Variants in SV2C observed in about 807,000 individuals in gnomAD.
SV2C encodes solute carrier family 22 member B3.
SV2C carries 49 observed loss-of-function variants against 79.7 expected under a neutral mutation model. The observed-to-expected ratio is 0.61, with a 90% CI of 0.49 to 0.78. SV2C has a LOEUF of 0.78. Among genes scored for constraint, SV2C ranks in the 30% least tolerant of loss-of-function variants. SV2C has a pLI of 0.00. For missense variants in SV2C, 833 were observed against 912.9 expected, an observed-to-expected ratio of 0.91 and a Z score of 1.13; for synonymous variants, 334 against 333.2, an observed-to-expected ratio of 1.00 and a Z score of -0.03.
the SV2C span, among the ~76,000 whole-genome samples, chr5:75,950,646 G>T: frequency 1.3e-5 from 2 of 151,764 alleles, no homozygotes; most frequent in African/African-American, 4.8e-5. Context: ...TGTCCTTTTG[G>T]GTGGATTTTA....
the SV2C span, among the ~76,000 whole-genome samples, chr5:75,908,142 A>G: frequency 0.015 from 2,301 of 152,334 alleles, 61 homozygotes; most frequent in African/African-American, 0.052. Flanking sequence ...GTCACAATCA[A>G]TTTTTAGATA....
intron 1 of SV2C, among the ~76,000 whole-genome samples, chr5:76,097,893 A>AGC (rs1747617038): frequency 1.3e-5 from 2 of 152,130 alleles, no homozygotes; most frequent in Non-Finnish European, 2.9e-5. Context: ...GTAGTGTGTG[A>AGC]GCTGGGCCTA....
chr5:76,218,927 T>A (rs1308494920), intron 4 of SV2C, among the ~76,000 whole-genome samples: 1 of 15,240 alleles, frequency 6.6e-5, no homozygotes, highest in Non-Finnish European at 1.4e-4. Context: ...TTTAAAAGAT[T>A]GTATTTACCT....
At chr5:76,035,136 T>C in the SV2C span, among the ~76,000 whole-genome samples, 7,761 of 152,006 alleles carry the variant, frequency 0.051, 611 homozygotes, top group African/African-American at 0.17. Context: ...ATTCTTCTCT[T>C]TTTTTTTCTT....
the SV2C span, among the ~76,000 whole-genome samples, chr5:75,970,960 A>G: frequency 1.6e-4 from 25 of 152,260 alleles, no homozygotes; most frequent in Admixed American, 4.6e-4. Flanking sequence ...GCAGCACATC[A>G]AAAAGCTTAT....
chr5:76,027,059 CTTTTTTTT>C, the SV2C span, among the ~76,000 whole-genome samples: 1 of 122,190 alleles, frequency 8.2e-6, no homozygotes, highest in Non-Finnish European at 1.7e-5. Context: ...TTTCAGTTGT[CTTTTTTTT>C]TTTTTTTTTT....
At chr5:76,202,651 T>C (rs1466251101) in intron 3 of SV2C, among the ~76,000 whole-genome samples, 1 of 152,224 alleles carries the variant, frequency 6.6e-6, no homozygotes, top group African/African-American at 2.4e-5. Context: ...ACAGTCAAGA[T>C]TATCTTTAAT....
intron 4 of SV2C, among the ~76,000 whole-genome samples, chr5:76,279,686 T>C (rs1399655510): frequency 2.0e-5 from 3 of 152,176 alleles, no homozygotes; most frequent in Admixed American, 1.3e-4. Flanking sequence ...AGACTGGCTA[T>C]AGACCATCCT....
At chr5:75,938,388 G>A in the SV2C span, among the ~76,000 whole-genome samples, 1 of 152,130 alleles carries the variant, frequency 6.6e-6, no homozygotes. Flanking sequence ...CTGATAAAGT[G>A]GAAACAATGC....
At chr5:76,292,241 C>T (rs1212825763) in intron 8 of SV2C, among the ~76,000 whole-genome samples, 1 of 152,162 alleles carries the variant, frequency 6.6e-6, no homozygotes, top group African/African-American at 2.4e-5. Flanking sequence ...CCCCTCCAGA[C>T]ATCTGCCCAG....
At chr5:76,143,433 C>T (rs1749323979) in intron 2 of SV2C, among the ~76,000 whole-genome samples, 1 of 152,168 alleles carries the variant, frequency 6.6e-6, no homozygotes, top group South Asian at 2.1e-4. Flanking sequence ...GCCCTAGTAA[C>T]AGGGACAGGT....
chr5:76,266,317 C>T (rs924389886), intron 4 of SV2C, among the ~76,000 whole-genome samples: 9 of 152,182 alleles, frequency 5.9e-5, no homozygotes, highest in African/African-American at 2.2e-4. Context: ...AAGGGACTCT[C>T]CTGCCTCAGC....
At chr5:76,205,635 G>A (rs988080839) in intron 3 of SV2C, among the ~76,000 whole-genome samples, 1 of 151,950 alleles carries the variant, frequency 6.6e-6, no homozygotes, top group Non-Finnish European at 1.5e-5. Context: ...ATTCTATAAC[G>A]AACACTAAGG....
At chr5:76,262,247 A>G (rs1746493183) in intron 4 of SV2C, among the ~76,000 whole-genome samples, 1 of 152,128 alleles carries the variant, frequency 6.6e-6, no homozygotes, top group African/African-American at 2.4e-5. Context: ...GTATTCTCTG[A>G]TGGTAGTTTG....
chr5:76,024,633 A>G, the SV2C span, among the ~76,000 whole-genome samples: 1 of 151,912 alleles, frequency 6.6e-6, no homozygotes, highest in African/African-American at 2.4e-5. Context: ...TCCTTTTCCC[A>G]TTTTATAGGG....
At chr5:75,851,642 A>G in the SV2C span, among the ~76,000 whole-genome samples, 1 of 151,142 alleles carries the variant, frequency 6.6e-6, no homozygotes, top group Non-Finnish European at 1.5e-5. Flanking sequence ...GAAACATTGG[A>G]TCTTTTTTTT....
At chr5:76,004,946 C>T in the SV2C span, among the ~76,000 whole-genome samples, 1 of 152,110 alleles carries the variant, frequency 6.6e-6, no homozygotes, top group African/African-American at 2.4e-5. Flanking sequence ...TTGGGGCATA[C>T]CTTGTCAGAG....
upstream of SV2C, among the ~76,000 whole-genome samples, chr5:76,082,768 G>A (rs992404871): frequency 2.0e-5 from 3 of 151,912 alleles, no homozygotes; most frequent in African/African-American, 7.2e-5. Context: ...TCTTCTGTTT[G>A]CTCTTGCTGT....
chr5:76,222,902 A>G (rs1216256189), intron 4 of SV2C, among the ~76,000 whole-genome samples: 1 of 152,228 alleles, frequency 6.6e-6, no homozygotes, highest in Non-Finnish European at 1.5e-5. Context: ...ATTGACACAG[A>G]TAATGGAAGA....
Sources: allele counts gnomAD v4.1 joint callset (sites outside exome capture counted in the v4.1 genomes callset), GRCh38; gene constraint gnomAD v4.1.1; transcripts MANE v1.5; gene names NCBI Gene and HGNC (gene_info 2026-07-23, HGNC 2026-07-21).